RPS6KC1: variants seen among roughly 807,000 people sequenced by gnomAD.
The protein encoded by RPS6KC1 is inactive ribosomal protein S6 kinase delta-1.
In RPS6KC1, 54 loss-of-function variants were observed where a neutral mutation model predicts 103.8. That is an observed-to-expected ratio of 0.52 (90% CI 0.42 to 0.65). The LOEUF (loss-of-function observed/expected upper bound fraction) is 0.65. RPS6KC1 is among the 30% of genes least tolerant of loss of function. RPS6KC1 has a pLI of 0.00. For synonymous variants in RPS6KC1, 439 were observed against 438.7 expected, an observed-to-expected ratio of 1.00 and a Z score of -0.01; for missense variants, 1,151 against 1,253.8, an observed-to-expected ratio of 0.92 and a Z score of 1.24.
At chr1:213,790,274 C>T in the RPS6KC1 span, among the ~76,000 whole-genome samples, 1 of 152,192 alleles carries the variant, frequency 6.6e-6, no homozygotes, top group Non-Finnish European at 1.5e-5. Flanking sequence ...ATATTTACTT[C>T]AGCTTTTAAT....
At chr1:213,807,443 A>C in the RPS6KC1 span, among the ~76,000 whole-genome samples, 3 of 152,074 alleles carry the variant, frequency 2.0e-5, no homozygotes, top group Non-Finnish European at 2.9e-5. Flanking sequence ...TGGTCTTTTC[A>C]TATAGTCCCA....
At chr1:213,230,978 C>T (rs1293289574) in intron 9 of RPS6KC1, among the ~76,000 whole-genome samples, 1 of 151,024 alleles carries the variant, frequency 6.6e-6, no homozygotes, top group East Asian at 1.9e-4. Context: ...TAATATATCC[C>T]CCCCCTAGGT....
chr1:213,398,254 C>T, the RPS6KC1 span, among the ~76,000 whole-genome samples: 1 of 149,650 alleles, frequency 6.7e-6, no homozygotes, highest in Non-Finnish European at 1.5e-5. Flanking sequence ...CCATTTTGCC[C>T]AGGCTGGTCT....
the RPS6KC1 span, among the ~76,000 whole-genome samples, chr1:213,591,715 G>T: frequency 6.6e-6 from 1 of 152,188 alleles, no homozygotes; most frequent in Non-Finnish European, 1.5e-5. Context: ...TTAGGGGGGT[G>T]CTTTTGGGAG....
intron 8 of RPS6KC1, among the ~76,000 whole-genome samples, chr1:213,181,173 T>A (rs1381275195): frequency 6.6e-6 from 1 of 152,176 alleles, no homozygotes; most frequent in Non-Finnish European, 1.5e-5. Context: ...CTCTTCTGGT[T>A]TGTGAGTAGC....
At chr1:213,614,904 C>A in the RPS6KC1 span, among the ~76,000 whole-genome samples, 2 of 152,074 alleles carry the variant, frequency 1.3e-5, no homozygotes, top group Non-Finnish European at 2.9e-5. Context: ...AGACACAGGT[C>A]TTATGATGTT....
Position 213,051,303 on chromosome 1 carries a change from C to T in RPS6KC1, c.-102C>T. ...TGGAGCCGCCTTGGAGCCACCGCCC[C>T]CTCGCCGCTTCGCCGCTGCGTTGGG... On this transcript the variant is annotated 5_prime_UTR_variant, in exon 1 of 15. Transcript: ENST00000366960. 1 of 822,494 alleles carries T rather than the reference C, an allele frequency of 1.2e-6. No individual in the cohort carries two copies. Among genetic ancestry groups the T allele is most frequent in the Admixed American group, 2.2e-5 (1 of 44,776 alleles). 50.9% of individuals were successfully genotyped at this position (822,494 alleles called of 1,614,324 possible).
intron 8 of RPS6KC1, among the ~76,000 whole-genome samples, chr1:213,214,021 C>T (rs1240050520): frequency 1.3e-5 from 2 of 152,064 alleles, no homozygotes; most frequent in Non-Finnish European, 2.9e-5. Context: ...GATTGTCGGA[C>T]AGTGGGTGCA....
At chr1:213,344,778 A>C in the RPS6KC1 span, among the ~76,000 whole-genome samples, 1 of 151,920 alleles carries the variant, frequency 6.6e-6, no homozygotes, top group East Asian at 1.9e-4. Flanking sequence ...CAAGTGATCC[A>C]CCCGCCTCAG....
the RPS6KC1 span, among the ~76,000 whole-genome samples, chr1:213,722,685 A>G: frequency 6.6e-6 from 1 of 152,128 alleles, no homozygotes; most frequent in Non-Finnish European, 1.5e-5. Flanking sequence ...GTAATCAGCA[A>G]TGCCACATGA....
chr1:213,534,012 A>G, the RPS6KC1 span, among the ~76,000 whole-genome samples: 13 of 152,306 alleles, frequency 8.5e-5, 1 homozygote, highest in South Asian at 2.5e-3. Context: ...CCTTTCTTGT[A>G]TATGTTCTTT....
intron 6 of RPS6KC1, among the ~76,000 whole-genome samples, chr1:213,156,237 G>C (rs147801748): frequency 6.6e-6 from 1 of 152,268 alleles, no homozygotes; most frequent in African/African-American, 2.4e-5. Flanking sequence ...GTTGTGATCT[G>C]TGGCAGATTA....
the RPS6KC1 span, among the ~76,000 whole-genome samples, chr1:213,588,935 G>T: frequency 6.6e-6 from 1 of 152,298 alleles, no homozygotes; most frequent in East Asian, 1.9e-4. Context: ...CAAATGAGAG[G>T]GAGATTCAGA....
At chr1:213,597,821 A>G in the RPS6KC1 span, among the ~76,000 whole-genome samples, 18 of 152,330 alleles carry the variant, frequency 1.2e-4, no homozygotes, top group African/African-American at 4.3e-4. Context: ...TCATAGAACA[A>G]TGTAGTAAAT....
chr1:213,272,117 C>T (rs1573756189), intron 14 of RPS6KC1, among the ~76,000 whole-genome samples: 2 of 152,040 alleles, frequency 1.3e-5, no homozygotes, highest in East Asian at 1.9e-4. Flanking sequence ...GATTAGGGGT[C>T]GAAAGATTTA....
the RPS6KC1 span, among the ~76,000 whole-genome samples, chr1:213,749,371 G>T: frequency 1.3e-5 from 2 of 152,188 alleles, no homozygotes; most frequent in Non-Finnish European, 2.9e-5. Flanking sequence ...TCCATAGAAA[G>T]TGAAGAGATT....
chr1:213,566,995 G>A, the RPS6KC1 span, among the ~76,000 whole-genome samples: 172 of 152,212 alleles, frequency 1.1e-3, no homozygotes, highest in African/African-American at 3.9e-3. Context: ...ATGGTTGGTG[G>A]ACATTTATCT....
chr1:213,146,660 T>C (rs1352771673), intron 6 of RPS6KC1, among the ~76,000 whole-genome samples: 2 of 151,802 alleles, frequency 1.3e-5, no homozygotes, highest in East Asian at 1.9e-4. Flanking sequence ...CTCCTGACCT[T>C]GTGATCTGCC....
the RPS6KC1 span, among the ~76,000 whole-genome samples, chr1:213,715,974 T>A: frequency 3.6e-3 from 539 of 150,748 alleles, 2 homozygotes; most frequent in African/African-American, 0.012. Flanking sequence ...AATTTTTTTT[T>A]AAATTCAGCA....
Sources: gnomAD v4.1 joint callset for allele counts (sites outside exome capture counted in the v4.1 genomes callset) on GRCh38, gnomAD v4.1.1 for gene constraint, MANE v1.5 for transcripts, NCBI Gene and HGNC (gene_info 2026-07-23, HGNC 2026-07-21) for gene names.